The following TOX variants were observed in gnomAD, a reference collection of about 807,000 sequenced individuals.
TOX encodes the protein thymocyte selection-associated high mobility group box protein TOX.
Under a neutral mutation model 53.7 loss-of-function variants are expected in TOX, and 11 were observed. The ratio of observed to expected loss-of-function variants is 0.20; its 90% CI spans 0.13 to 0.34. The LOEUF (loss-of-function observed/expected upper bound fraction) is 0.34. Among genes scored for constraint, TOX ranks in the 10% least tolerant of loss-of-function variants. TOX has a pLI of 1.00. For synonymous variants in TOX, 225 were observed against 245.3 expected, an observed-to-expected ratio of 0.92 and a Z score of 0.77; for missense variants, 570 against 664.6, an observed-to-expected ratio of 0.86 and a Z score of 1.56.
chr8:58,836,607 G>T (rs146297528), intron 5 of TOX, among the ~76,000 whole-genome samples: 1,937 of 152,254 alleles, frequency 0.013, 21 homozygotes, highest in African/African-American at 0.026. Context: ...AGGGAAATAC[G>T]TAGAGATTTC....
At chr8:58,837,565 A>G (rs967243540) in intron 5 of TOX, among the ~76,000 whole-genome samples, 22 of 152,198 alleles carry the variant, frequency 1.4e-4, no homozygotes, top group African/African-American at 5.3e-4. Context: ...ATCTGGTCCC[A>G]TTTAACACAG....
At chr8:58,998,129 T>C (rs957992806) in intron 1 of TOX, among the ~76,000 whole-genome samples, 10 of 152,068 alleles carry the variant, frequency 6.6e-5, no homozygotes, top group Admixed American at 6.5e-4. Flanking sequence ...CTCATGTTAA[T>C]GTCAGATAAT....
intron 1 of TOX, among the ~76,000 whole-genome samples, chr8:59,091,833 C>T (rs1804612279): frequency 6.6e-6 from 1 of 152,168 alleles, no homozygotes. Context: ...AGTGCTGCCA[C>T]TCCATTCTCC....
At chr8:59,080,735 G>A (rs1020831951) in intron 1 of TOX, among the ~76,000 whole-genome samples, 3 of 152,140 alleles carry the variant, frequency 2.0e-5, no homozygotes, top group Non-Finnish European at 2.9e-5. Context: ...CCTTCCCCCC[G>A]ACCCTCTTGT....
At position 58,851,651 on chromosome 8, in the gene TOX, G is replaced by A. The variant is rs774739183; in HGVS notation, c.566C>T (p.Ala189Val). Residue 189 changes from alanine to valine, a missense_variant, in exon 4 of 9, where the codon GCT becomes GTT. By Grantham distance (64) the Ala-to-Val change is moderately conservative. Coordinates refer to ENST00000361421, the MANE Select transcript of TOX (RefSeq NM_014729.3). This position sits in a 1 kb window ranked among gnomAD's most constrained non-coding sequence, Gnocchi z 4.4. Reference protein sequence around the residue: ...LTTINQSQLSAQLGLNMGGSN... With the variant: ...LTTINQSQLSVQLGLNMGGSN... ...TCCTCCCATATTCAAACCAAGTTGAGCACTTAGCTGTGACTGGTTAATGGT... is the reference window on the plus strand; with the variant it reads ...TCCTCCCATATTCAAACCAAGTTGAACACTTAGCTGTGACTGGTTAATGGT... The A allele has an allele frequency of 2.5e-6, 4 of 1,613,588 alleles. No individual in the cohort carries two copies. The Admixed American group carries it at 5.0e-5, about 20-fold the overall frequency.
At chr8:59,022,144 T>C (rs1312736955) in intron 1 of TOX, among the ~76,000 whole-genome samples, 1 of 152,226 alleles carries the variant, frequency 6.6e-6, no homozygotes, top group East Asian at 1.9e-4. Flanking sequence ...GATATCAATT[T>C]AGATTTTCTA....
chr8:58,838,199 G>A lies in TOX; in HGVS notation c.806C>T (p.Ala269Val). ...GGCCTGAGTATCACGAAAGAATAAC[G>A]CATAGGCAGACACAGGCTTCTGGGG... is the stretch of plus-strand genomic sequence containing the variant. ...NEPQKPVSAY[A>V]LFFRDTQAAI... Residue 269 changes from alanine (A) to valine (V), a missense_variant, in exon 5 of 9, where the codon GCG becomes GTG. Ala to Val is a moderately conservative substitution (Grantham distance 64). Coordinates refer to ENST00000361421, the MANE Select transcript of TOX (RefSeq NM_014729.3). The A allele has an allele frequency of 6.2e-7, 1 of 1,614,168 alleles. No homozygotes were observed. Among genetic ancestry groups the A allele is most frequent in the Non-Finnish European group, 8.5e-7 (1 of 1,180,006 alleles).
chr8:58,998,492 AGTATAT>A (rs1563413211), intron 1 of TOX, among the ~76,000 whole-genome samples: 1 of 36,836 alleles, frequency 2.7e-5, no homozygotes, highest in Non-Finnish European at 4.9e-5. Context: ...CCATCTCAAA[AGTATAT>A]ATATATATAT....
intron 2 of TOX, among the ~76,000 whole-genome samples, chr8:58,946,546 T>A (rs529510129): frequency 6.6e-6 from 1 of 152,344 alleles, no homozygotes; most frequent in East Asian, 1.9e-4. Context: ...TGATATATGC[T>A]CAAGCCAATG....
intron 1 of TOX, among the ~76,000 whole-genome samples, chr8:58,993,848 C>T (rs1813502375): frequency 6.7e-6 from 1 of 148,594 alleles, no homozygotes; most frequent in Admixed American, 6.7e-5. Flanking sequence ...CTAAGGGGAC[C>T]TAAGGGGAAA....
At chr8:58,998,581 T>C (rs1217098609) in intron 1 of TOX, among the ~76,000 whole-genome samples, 1 of 143,818 alleles carries the variant, frequency 7.0e-6, no homozygotes, top group Non-Finnish European at 1.5e-5. Flanking sequence ...GTATATATAA[T>C]AAATTTATAT....
intron 1 of TOX, among the ~76,000 whole-genome samples, chr8:59,089,530 T>A (rs1804570558): frequency 6.6e-6 from 1 of 152,210 alleles, no homozygotes; most frequent in African/African-American, 2.4e-5. Flanking sequence ...ATTCACTCCT[T>A]GGTAGCATGG....
intron 1 of TOX, among the ~76,000 whole-genome samples, chr8:59,093,856 G>GACAGTTA (rs1804666731): frequency 1.3e-5 from 2 of 152,140 alleles, no homozygotes; most frequent in Non-Finnish European, 2.9e-5. Flanking sequence ...TTACTGGCAT[G>GACAGTTA]TTGGTAAATG....
chr8:58,908,034 C>T (rs189122623), intron 3 of TOX, among the ~76,000 whole-genome samples: 240 of 152,282 alleles, frequency 1.6e-3, no homozygotes, highest in Admixed American at 4.0e-3. Context: ...ATCAACCCTT[C>T]GCCTTGGTAT....
chr8:59,091,900 C>A (rs556494883), intron 1 of TOX, among the ~76,000 whole-genome samples: 1 of 152,176 alleles, frequency 6.6e-6, no homozygotes, highest in African/African-American at 2.4e-5. Context: ...CTTTAGGAAT[C>A]CTCTTTTTCC....
intron 7 of TOX, among the ~76,000 whole-genome samples, chr8:58,810,169 T>C (rs1810053711): frequency 6.6e-6 from 1 of 152,030 alleles, no homozygotes; most frequent in South Asian, 2.1e-4. Context: ...TTTATTTATT[T>C]ATTTATTTAT....
chr8:58,887,930 T>C (rs1811498881), intron 3 of TOX, among the ~76,000 whole-genome samples: 1 of 152,096 alleles, frequency 6.6e-6, no homozygotes. Flanking sequence ...TAGGTGATTT[T>C]GTCACTGTGT....
At chr8:58,944,224 C>T (rs1490386684) in intron 2 of TOX, among the ~76,000 whole-genome samples, 1 of 152,118 alleles carries the variant, frequency 6.6e-6, no homozygotes, top group Non-Finnish European at 1.5e-5. Context: ...GATCCCAGCG[C>T]CACTGAATGT....
chr8:58,807,624 G>T lies in TOX; in HGVS notation c.*123C>A. ...AGTGGGTGACCCACAAGCTCAAATG[G>T]TCCTAAGTGCTTAGCAACTTGTATT... On this transcript the variant is annotated 3_prime_UTR_variant, in exon 9 of 9. Coordinates refer to ENST00000361421, the MANE Select transcript of TOX (RefSeq NM_014729.3). The T allele has an allele frequency of 1.8e-6, 2 of 1,085,484 alleles. No homozygotes were observed. Among genetic ancestry groups the T allele is most frequent in the Non-Finnish European group, 2.7e-6 (2 of 732,474 alleles). The allele number at this position is 1,085,484 out of a possible 1,614,324, so 67.2% of individuals were successfully genotyped here.
Sources: allele counts gnomAD v4.1 joint callset (sites outside exome capture counted in the v4.1 genomes callset), GRCh38; gene constraint gnomAD v4.1.1; non-coding constraint Gnocchi (gnomAD v3.1); transcripts MANE v1.5; gene names NCBI Gene and HGNC (gene_info 2026-07-23, HGNC 2026-07-21).